CDH4: variants seen among roughly 807,000 people sequenced by gnomAD.
CDH4 encodes cadherin 4, also known as cadherin-4.
Under a neutral mutation model 86.0 loss-of-function variants are expected in CDH4, and 33 were observed. The ratio of observed to expected loss-of-function variants is 0.38; its 90% CI spans 0.29 to 0.51. The LOEUF (loss-of-function observed/expected upper bound fraction) is 0.51, where lower values mean the gene tolerates loss of function less well. CDH4 is among the 20% of genes least tolerant of loss of function. CDH4 has a pLI of 0.86. For synonymous variants in CDH4, 555 were observed against 549.4 expected (o/e 1.01, Z -0.14); for missense variants, 1,114 against 1,307.4 (o/e 0.85, Z 2.28).
chr20:61,736,727 G>A (rs1319208311), intron 2 of CDH4, among the ~76,000 whole-genome samples: 2 of 152,278 alleles, frequency 1.3e-5, no homozygotes, highest in East Asian at 3.9e-4. Flanking sequence ...GCGCATTCAC[G>A]ACAGGCGGGG....
chr20:61,419,858 C>T (rs1600961023), intron 2 of CDH4, among the ~76,000 whole-genome samples: 1 of 152,224 alleles, frequency 6.6e-6, no homozygotes, highest in African/African-American at 2.4e-5. Flanking sequence ...CACATGTGTG[C>T]TCCCTCACAG....
intron 2 of CDH4, among the ~76,000 whole-genome samples, chr20:61,524,474 C>T (rs1385058291): frequency 6.6e-6 from 1 of 151,166 alleles, no homozygotes; most frequent in Non-Finnish European, 1.5e-5. Flanking sequence ...TTTGCAACTT[C>T]TATGAATATT....
rs947410118 is a variant in CDH4 at position 61,777,923 on chromosome 20, T to C, written c.576+4741T>C. On this transcript the variant is annotated intron_variant, in intron 4 of 15. Coordinates refer to ENST00000614565, the MANE Select transcript of CDH4 (RefSeq NM_001794.5). ...TGCATGCAATACACACATCCACATG[T>C]GCATACACGTGCATACTATACACAC... 1.7e-3 allele frequency among the ~76,000 whole-genome samples: 252 copies of C among 147,956 alleles called. 1 individual carries two copies. Among genetic ancestry groups the C allele is most frequent in the African/African-American group, 5.7e-3 (229 of 39,894 alleles).
At chr20:61,581,213 G>A (rs879764339) in intron 2 of CDH4, among the ~76,000 whole-genome samples, 3 of 152,182 alleles carry the variant, frequency 2.0e-5, no homozygotes, top group Non-Finnish European at 4.4e-5. Flanking sequence ...TGGCTCCAGG[G>A]ATCCGTGCAT....
chr20:61,397,375 T>G (rs2085023684), intron 2 of CDH4, among the ~76,000 whole-genome samples: 1 of 146,054 alleles, frequency 6.8e-6, no homozygotes, highest in African/African-American at 2.4e-5. Flanking sequence ...CCCGAATTCA[T>G]GTTGTGAAAC....
In CDH4 at chr20:61,703,814, C is replaced by T. The variant is rs1457482169; in HGVS notation, c.170-39749C>T. Among the ~76,000 whole-genome samples the T allele has an allele frequency of 6.6e-6, 1 of 152,236 alleles. No individual in the cohort carries two copies. Among genetic ancestry groups the T allele is most frequent in the Non-Finnish European group, 1.5e-5 (1 of 68,046 alleles). ...GTCCTTTTCATTTTAATTTTAAGCA[C>T]ATGGGATTTAAACAATATTTACTCA... On this transcript the variant is annotated intron_variant, in intron 2 of 15. Transcript: ENST00000614565. This position sits in a 1 kb window ranked among gnomAD's most constrained non-coding sequence, Gnocchi z 4.3.
At chr20:61,258,156 C>T (rs1436667594) in intron 2 of CDH4, among the ~76,000 whole-genome samples, 1 of 151,822 alleles carries the variant, frequency 6.6e-6, no homozygotes, top group South Asian at 2.1e-4. Flanking sequence ...GGTGAAACCC[C>T]GTCTCTACTA....
At chr20:61,734,543 T>C (rs2088236682) in intron 2 of CDH4, among the ~76,000 whole-genome samples, 1 of 152,226 alleles carries the variant, frequency 6.6e-6, no homozygotes, top group South Asian at 2.1e-4. Context: ...ACGGCCTTGG[T>C]TGTGACTCTG....
At position 61,867,854 on chromosome 20, in the gene CDH4, G is replaced by A. The variant is rs181343386; in HGVS notation, c.878-5874G>A. Among the ~76,000 whole-genome samples the A allele has an allele frequency of 5.9e-5, 9 of 152,304 alleles. No individual in the cohort carries two copies. In the East Asian group the frequency reaches 1.5e-3, roughly 26 times the overall value. On this transcript the variant is annotated intron_variant, in intron 6 of 15. Coordinates refer to ENST00000614565, the MANE Select transcript of CDH4 (RefSeq NM_001794.5). ...GGGGAGTGGGTGCGTAAACTAAGGT[G>A]GCCCACGAGGCGCGATGCATCTGCC... is the stretch of plus-strand genomic sequence containing the variant.
intron 6 of CDH4, among the ~76,000 whole-genome samples, chr20:61,865,831 G>A (rs551078241): frequency 6.6e-6 from 1 of 151,326 alleles, no homozygotes; most frequent in Admixed American, 6.6e-5. Flanking sequence ...TGGCTGGTTT[G>A]TGTATATAAT....
chr20:61,775,340 C>T (rs532623573), intron 4 of CDH4, among the ~76,000 whole-genome samples: 48 of 152,062 alleles, frequency 3.2e-4, no homozygotes, highest in African/African-American at 1.1e-3. Context: ...AGCGGGCTTC[C>T]ATCATGCTCT....
intron 8 of CDH4, among the ~76,000 whole-genome samples, chr20:61,896,894 G>A (rs551357207): frequency 4.6e-5 from 7 of 152,288 alleles, no homozygotes; most frequent in East Asian, 3.9e-4. Context: ...CCCTGACTCC[G>A]AGAAAGAAAA....
chr20:61,461,691 T>C (rs1342872095), intron 2 of CDH4, among the ~76,000 whole-genome samples: 1 of 152,232 alleles, frequency 6.6e-6, no homozygotes, highest in Admixed American at 6.5e-5. Context: ...CCTGTCCTCC[T>C]GTGTTATTTC....
At chr20:61,797,664 G>A (rs1568821512) in intron 4 of CDH4, among the ~76,000 whole-genome samples, 1 of 152,290 alleles carries the variant, frequency 6.6e-6, no homozygotes, top group Middle Eastern at 3.4e-3. Flanking sequence ...GGGCACACCT[G>A]TAGTCCCAGC....
chr20:61,907,838 G>A (rs2054807742), intron 8 of CDH4, among the ~76,000 whole-genome samples: 1 of 152,216 alleles, frequency 6.6e-6, no homozygotes, highest in Non-Finnish European at 1.5e-5. Context: ...CTGGAGTTTA[G>A]CAAAGACGGT....
chr20:61,685,267 C>A (rs2087561555), intron 2 of CDH4, among the ~76,000 whole-genome samples: 1 of 152,116 alleles, frequency 6.6e-6, no homozygotes, highest in Non-Finnish European at 1.5e-5. Context: ...ATTGTGTTGC[C>A]TCACTCTCCA....
chr20:61,352,646 G>A (rs2084719531), intron 2 of CDH4, among the ~76,000 whole-genome samples: 1 of 152,172 alleles, frequency 6.6e-6, no homozygotes, highest in Non-Finnish European at 1.5e-5. Context: ...AGGCCGTTTC[G>A]TGTTTGAGCC....
intron 2 of CDH4, among the ~76,000 whole-genome samples, chr20:61,353,520 A>G (rs1186818155): frequency 2.7e-5 from 4 of 149,450 alleles, no homozygotes; most frequent in Middle Eastern, 3.2e-3. Flanking sequence ...CAGAAAACCG[A>G]ATATATTCCA....
intron 2 of CDH4, among the ~76,000 whole-genome samples, chr20:61,690,955 C>T (rs1301854806): frequency 2.0e-5 from 3 of 152,228 alleles, no homozygotes; most frequent in African/African-American, 7.2e-5. Flanking sequence ...CCCCCCGCCC[C>T]AGGGCTGAGC....
Sources: allele counts gnomAD v4.1 joint callset (sites outside exome capture counted in the v4.1 genomes callset), GRCh38; gene constraint gnomAD v4.1.1; non-coding constraint Gnocchi (gnomAD v3.1); transcripts MANE v1.5; gene names NCBI Gene and HGNC (gene_info 2026-07-23, HGNC 2026-07-21).